The following ASAP1 variants were observed in gnomAD, a reference collection of about 807,000 sequenced individuals.
ASAP1 encodes arf-GAP with SH3 domain, ANK repeat and PH domain-containing protein 1.
ASAP1 carries 43 observed loss-of-function variants against 145.2 expected under a neutral mutation model. That is an observed-to-expected ratio of 0.30 (90% CI 0.23 to 0.38). ASAP1 has a LOEUF of 0.38. ASAP1 is among the 10% of genes least tolerant of loss of function. The pLI is 1.00. For missense variants in ASAP1, 1,018 were observed against 1,355.3 expected (o/e 0.75, Z 3.91); for synonymous variants, 546 against 515.5 (o/e 1.06, Z -0.80).
chr8:130,255,594 T>G (rs1384733508), intron 3 of ASAP1, among the ~76,000 whole-genome samples: 1 of 152,202 alleles, frequency 6.6e-6, no homozygotes. Flanking sequence ...TTAATGGTAC[T>G]GATTATAAAA....
At chr8:130,307,075 C>T (rs1385251215) in intron 3 of ASAP1, among the ~76,000 whole-genome samples, 2 of 152,282 alleles carry the variant, frequency 1.3e-5, no homozygotes, top group Non-Finnish European at 2.9e-5. Flanking sequence ...TTTCCACCCT[C>T]GCTCTATCAA....
intron 12 of ASAP1, among the ~76,000 whole-genome samples, chr8:130,157,428 C>T (rs1487171415): frequency 6.6e-6 from 1 of 152,154 alleles, no homozygotes; most frequent in Non-Finnish European, 1.5e-5. Flanking sequence ...TTCTGCAGTT[C>T]CCCTGGCCTC....
chr8:130,436,379 C>T (rs1830313670), intron 1 of ASAP1, among the ~76,000 whole-genome samples: 4 of 152,140 alleles, frequency 2.6e-5, no homozygotes. Context: ...ACTGCAGCCT[C>T]GACCTCCCTG....
intron 3 of ASAP1, among the ~76,000 whole-genome samples, chr8:130,276,724 A>ACTCTCTCTCT (rs1471141965): frequency 2.0e-4 from 21 of 102,530 alleles, no homozygotes; most frequent in African/African-American, 6.6e-4. Context: ...ACACACACAC[A>ACTCTCTCTCT]CACACTCTCT....
At chr8:130,331,809 C>T (rs376613852) in intron 3 of ASAP1, among the ~76,000 whole-genome samples, 68 of 152,248 alleles carry the variant, frequency 4.5e-4, no homozygotes, top group African/African-American at 1.5e-3. Context: ...CATACACACA[C>T]ACATGCAAAC....
intron 11 of ASAP1, 93 bp from the exon 12 acceptor site, chr8:130,160,057 G>T: frequency 1.9e-6 from 2 of 1,052,904 alleles, no homozygotes; most frequent in Non-Finnish European, 2.9e-6. Flanking sequence ...CACTGGTCTG[G>T]GTCTAAGGGA....
chr8:130,255,641 T>A (rs539968361), intron 3 of ASAP1, among the ~76,000 whole-genome samples: 3 of 152,266 alleles, frequency 2.0e-5, no homozygotes, highest in African/African-American at 7.2e-5. Flanking sequence ...TAACAAAAAG[T>A]TGCTTTTATG....
chr8:130,363,306 G>A (rs1826801298), intron 2 of ASAP1, among the ~76,000 whole-genome samples: 1 of 152,190 alleles, frequency 6.6e-6, no homozygotes, highest in South Asian at 2.1e-4. Flanking sequence ...TGGGAGGACT[G>A]CTTGAGCCCA....
intron 2 of ASAP1, among the ~76,000 whole-genome samples, chr8:130,387,258 G>GA (rs1828061346): frequency 6.6e-6 from 1 of 152,288 alleles, no homozygotes; most frequent in East Asian, 1.9e-4. Context: ...CAGGTCCGGC[G>GA]AAAGTGGTGG....
At chr8:130,414,460 T>C (rs866196327) in intron 1 of ASAP1, among the ~76,000 whole-genome samples, 2 of 152,182 alleles carry the variant, frequency 1.3e-5, no homozygotes, top group Non-Finnish European at 2.9e-5. Flanking sequence ...TCCTGGCTCT[T>C]CCCTCTACCA....
intron 2 of ASAP1, among the ~76,000 whole-genome samples, chr8:130,371,038 T>C (rs1254649052): frequency 6.6e-6 from 1 of 152,228 alleles, no homozygotes; most frequent in Non-Finnish European, 1.5e-5. Flanking sequence ...AAAGTGCAAA[T>C]TTTATATGAA....
chr8:130,367,150 A>AG (rs1826996870), intron 2 of ASAP1, among the ~76,000 whole-genome samples: 1 of 151,884 alleles, frequency 6.6e-6, no homozygotes, highest in African/African-American at 2.4e-5. Context: ...TCGGCCTCCC[A>AG]AAGTGCTGGG....
intron 3 of ASAP1, among the ~76,000 whole-genome samples, chr8:130,316,933 C>T (rs1186272616): frequency 6.6e-6 from 1 of 152,178 alleles, no homozygotes; most frequent in Non-Finnish European, 1.5e-5. Flanking sequence ...AACACGACAA[C>T]TCATTAAGAA....
chr8:130,300,149 CACACAGAGAGAGAG>C (rs1822553093), intron 3 of ASAP1, among the ~76,000 whole-genome samples: 2 of 88,650 alleles, frequency 2.3e-5, no homozygotes, highest in African/African-American at 4.4e-5. Flanking sequence ...CACACACACA[CACACAGAGAGAGAG>C]AGAGAGAGAG....
intron 3 of ASAP1, among the ~76,000 whole-genome samples, chr8:130,335,606 G>T (rs1423648181): frequency 6.6e-6 from 1 of 152,132 alleles, no homozygotes; most frequent in Non-Finnish European, 1.5e-5. Flanking sequence ...CACCCTAGTG[G>T]AAAAAGAGAT....
intron 4 of ASAP1, 112 bp downstream of exon 4, chr8:130,236,810 A>T: frequency 1.3e-6 from 1 of 741,226 alleles, no homozygotes; most frequent in Non-Finnish European, 2.1e-6. Flanking sequence ...TTACCTACTT[A>T]CTTTTCCATT....
chr8:130,288,258 G>T (rs1376218571), intron 3 of ASAP1, among the ~76,000 whole-genome samples: 1 of 151,672 alleles, frequency 6.6e-6, no homozygotes, highest in Non-Finnish European at 1.5e-5. Context: ...AACCTTTCTG[G>T]TTCCAGTATT....
chr8:130,370,928 G>A (rs924786185), intron 2 of ASAP1, among the ~76,000 whole-genome samples: 3 of 152,154 alleles, frequency 2.0e-5, no homozygotes, highest in African/African-American at 4.8e-5. Flanking sequence ...GTGGGTACAG[G>A]GTTTCTTGTG....
At chr8:130,354,860 G>A (rs565265890) in intron 3 of ASAP1, among the ~76,000 whole-genome samples, 93 of 152,274 alleles carry the variant, frequency 6.1e-4, no homozygotes, top group Middle Eastern at 3.4e-3. Context: ...AAGCCCAGAA[G>A]TAAACCAGAA....
Sources: allele counts gnomAD v4.1 joint callset (sites outside exome capture counted in the v4.1 genomes callset), GRCh38; gene constraint gnomAD v4.1.1; transcripts MANE v1.5; gene names NCBI Gene and HGNC (gene_info 2026-07-23, HGNC 2026-07-21).